CAST: variants seen among roughly 807,000 people sequenced by gnomAD.
CAST encodes the protein MIR583 host.
In CAST, 76 loss-of-function variants were observed where a neutral mutation model predicts 119.6. The observed-to-expected ratio is 0.64, with a 90% CI of 0.53 to 0.77. CAST has a LOEUF of 0.77. Among genes scored for constraint, CAST ranks in the 30% least tolerant of loss-of-function variants. The pLI, the probability that CAST is intolerant of heterozygous loss-of-function variation, is 0.00. For synonymous variants in CAST, 319 were observed against 331.6 expected (o/e 0.96, Z 0.41); for missense variants, 953 against 946.5 (o/e 1.01, Z -0.09).
chr5:96,508,679 A>T, the CAST span, among the ~76,000 whole-genome samples: 1 of 151,908 alleles, frequency 6.6e-6, no homozygotes, highest in African/African-American at 2.4e-5. Flanking sequence ...GAGGCGCTAC[A>T]TCGGGGAGGA....
At chr5:96,742,084 T>C (rs1581219666) in intron 15 of CAST, 1 of 161,018 alleles carries the variant, frequency 6.2e-6, no homozygotes, top group African/African-American at 2.4e-5. Context: ...GAACGGTTTC[T>C]ATCAGAGCAG....
chr5:96,565,729 TAGG>T (rs1746453937), intron 1 of CAST, among the ~76,000 whole-genome samples: 1 of 152,104 alleles, frequency 6.6e-6, no homozygotes, highest in Non-Finnish European at 1.5e-5. Context: ...AGAGAACGTA[TAGG>T]AGAAGACCGT....
At chr5:96,534,445 C>T (rs926604548) in intron 1 of CAST, among the ~76,000 whole-genome samples, 1 of 151,626 alleles carries the variant, frequency 6.6e-6, no homozygotes, top group Admixed American at 6.6e-5. Context: ...CTGAGGTGGG[C>T]GGATTACGAG....
intron 1 of CAST, among the ~76,000 whole-genome samples, chr5:96,600,273 T>C (rs1444205656): frequency 6.6e-6 from 1 of 152,234 alleles, no homozygotes; most frequent in African/African-American, 2.4e-5. Flanking sequence ...AGAAAGGTTT[T>C]ATATATGCAT....
chr5:96,117,341 C>G, the CAST span, among the ~76,000 whole-genome samples: 1 of 152,050 alleles, frequency 6.6e-6, no homozygotes, highest in Non-Finnish European at 1.5e-5. Context: ...CACAAGAGTC[C>G]TCTCTTCTTG....
At chr5:96,003,774 T>G in the CAST span, among the ~76,000 whole-genome samples, 1 of 152,176 alleles carries the variant, frequency 6.6e-6, no homozygotes, top group Non-Finnish European at 1.5e-5. Context: ...AAAGAGTTTT[T>G]AAGAGACCAC....
Position 96,757,671 on chromosome 5 carries a change from T to C in CAST, c.1833+17T>C, listed in dbSNP as rs1440531180. ...TCATCTCTTGTAAGTCCAAAACTCT[T>C]GGTTTTATTTCTTTAGTTTTTTTTT... is the stretch of plus-strand genomic sequence containing the variant. On this transcript the variant is annotated intron_variant, in intron 24 of 31. Transcript: ENST00000675179. 3.2e-6 allele frequency: 5 copies of C among 1,539,732 alleles called. No individual in the cohort carries two copies. Among genetic ancestry groups the C allele is most frequent in the Non-Finnish European group, 3.6e-6 (4 of 1,126,384 alleles).
chr5:96,226,579 C>A, the CAST span, among the ~76,000 whole-genome samples: 5 of 152,060 alleles, frequency 3.3e-5, no homozygotes, highest in Non-Finnish European at 5.9e-5. Context: ...ATCGGTCAAG[C>A]CTGGGAGGCA....
chr5:96,218,547 G>A, the CAST span, among the ~76,000 whole-genome samples: 1 of 152,198 alleles, frequency 6.6e-6, no homozygotes, highest in East Asian at 1.9e-4. Context: ...TCCTCTTCCA[G>A]CTTGGCTAAG....
the CAST span, among the ~76,000 whole-genome samples, chr5:96,358,998 T>G: frequency 6.6e-6 from 1 of 152,194 alleles, no homozygotes. Context: ...TTTAAGAACT[T>G]GCTTTATGAA....
At chr5:96,002,867 C>T in the CAST span, among the ~76,000 whole-genome samples, 1 of 152,298 alleles carries the variant, frequency 6.6e-6, no homozygotes, top group South Asian at 2.1e-4. Flanking sequence ...ATCTATTTAA[C>T]TCATTTTCTC....
chr5:95,993,365 G>T, the CAST span, among the ~76,000 whole-genome samples: 262 of 152,300 alleles, frequency 1.7e-3, 1 homozygote, highest in African/African-American at 5.9e-3. Flanking sequence ...TATTTGTAGT[G>T]TTGGGTTAAA....
chr5:96,667,469 A>C (rs1393198276), intron 1 of CAST, among the ~76,000 whole-genome samples: 1 of 152,216 alleles, frequency 6.6e-6, no homozygotes, highest in Non-Finnish European at 1.5e-5. Flanking sequence ...CCTTTGACTT[A>C]AGAAAAACTC....
the CAST span, among the ~76,000 whole-genome samples, chr5:96,471,460 AGAT>A: frequency 6.6e-6 from 1 of 152,210 alleles, no homozygotes; most frequent in Non-Finnish European, 1.5e-5. Context: ...ACATGAATTG[AGAT>A]GCCTCGCATT....
At chr5:96,537,348 T>A (rs1378272732) in intron 1 of CAST, among the ~76,000 whole-genome samples, 1 of 152,236 alleles carries the variant, frequency 6.6e-6, no homozygotes, top group Non-Finnish European at 1.5e-5. Context: ...CACATTTTAC[T>A]AAAGTTGAAG....
In CAST at chr5:96,711,041, C is replaced by A. The variant is rs893150984; in HGVS notation, c.211-11598C>A. On this transcript the variant is annotated intron_variant, in intron 3 of 31. Coordinates refer to ENST00000675179, the MANE Select transcript of CAST (RefSeq NM_001750.7). ...TATTGTGGCAGGCCTGGATTCTTAG[C>A]CCAGAAAATTAGAATTGTTTTCTTC... is the stretch of plus-strand genomic sequence containing the variant. Among the ~76,000 whole-genome samples, 17 of 152,242 alleles carry A rather than the reference C, an allele frequency of 1.1e-4. 1 individual carries two copies. The South Asian group carries it at 1.2e-3, about 11-fold the overall frequency.
chr5:96,264,635 C>G, the CAST span, among the ~76,000 whole-genome samples: 1 of 152,048 alleles, frequency 6.6e-6, no homozygotes, highest in Non-Finnish European at 1.5e-5. Context: ...GTGGGACCCT[C>G]TCATGGGAGA....
chr5:96,298,260 TC>T, the CAST span, among the ~76,000 whole-genome samples: 1 of 152,210 alleles, frequency 6.6e-6, no homozygotes, highest in Non-Finnish European at 1.5e-5. Flanking sequence ...ATTCTCTTTC[TC>T]CTCTTTTGAC....
the CAST span, among the ~76,000 whole-genome samples, chr5:96,008,448 A>G: frequency 6.6e-6 from 1 of 152,136 alleles, no homozygotes; most frequent in Non-Finnish European, 1.5e-5. Flanking sequence ...TGAACACTGT[A>G]TGTATATGTC....
Sources: allele counts gnomAD v4.1 joint callset (sites outside exome capture counted in the v4.1 genomes callset), GRCh38; gene constraint gnomAD v4.1.1; transcripts MANE v1.5; gene names NCBI Gene and HGNC (gene_info 2026-07-23, HGNC 2026-07-21).